Variants in HS2ST1 observed in about 807,000 individuals in gnomAD.
HS2ST1 encodes 2-O-sulfotransferase.
A neutral mutation model predicts 42.9 loss-of-function variants in HS2ST1; 18 were observed. The observed-to-expected ratio is 0.42, with a 90% CI of 0.29 to 0.62. HS2ST1 has a LOEUF of 0.62. Among genes scored for constraint, HS2ST1 ranks in the 20% least tolerant of loss-of-function variants. HS2ST1 has a pLI of 0.21. For missense variants in HS2ST1, 334 were observed against 433.8 expected, an observed-to-expected ratio of 0.77 and a Z score of 2.04; for synonymous variants, 146 against 152.9, an observed-to-expected ratio of 0.95 and a Z score of 0.33.
intron 1 of HS2ST1, among the ~76,000 whole-genome samples, chr1:87,056,502 G>A (rs1313531014): frequency 2.6e-5 from 4 of 152,144 alleles, no homozygotes; most frequent in South Asian, 2.1e-4. Flanking sequence ...CACAAACTAT[G>A]TTTATTCAGA....
intron 1 of HS2ST1, among the ~76,000 whole-genome samples, chr1:86,960,227 CAAAAAA>C (rs145286319): frequency 1.5e-5 from 2 of 131,490 alleles, no homozygotes; most frequent in Non-Finnish European, 3.2e-5. Context: ...TCCACGCCAC[CAAAAAA>C]AAAAAAAAAA....
At chr1:87,061,652 AC>A (rs1467170544) in intron 1 of HS2ST1, among the ~76,000 whole-genome samples, 1 of 152,088 alleles carries the variant, frequency 6.6e-6, no homozygotes, top group African/African-American at 2.4e-5. Flanking sequence ...CTGTTGATGG[AC>A]ATTTGGATTG....
At chr1:87,056,292 A>G (rs541333021) in intron 1 of HS2ST1, among the ~76,000 whole-genome samples, 4 of 152,294 alleles carry the variant, frequency 2.6e-5, no homozygotes, top group South Asian at 2.1e-4. Flanking sequence ...TTGATACAGC[A>G]TGAAGCCCTT....
intron 1 of HS2ST1, among the ~76,000 whole-genome samples, chr1:86,931,736 A>G (rs918259947): frequency 2.0e-5 from 3 of 152,118 alleles, no homozygotes; most frequent in Non-Finnish European, 4.4e-5. Context: ...GGAACCTTAT[A>G]TAATGATTGT....
At chr1:87,015,565 T>C (rs1184527217) in intron 1 of HS2ST1, among the ~76,000 whole-genome samples, 3 of 147,314 alleles carry the variant, frequency 2.0e-5, no homozygotes. Flanking sequence ...AAGATCGTCT[T>C]GATTTCCTGA....
intron 1 of HS2ST1, among the ~76,000 whole-genome samples, chr1:87,005,992 T>A (rs1285030389): frequency 6.6e-6 from 1 of 152,144 alleles, no homozygotes; most frequent in East Asian, 1.9e-4. Flanking sequence ...AGCCATATTT[T>A]TGTATAAAAT....
At chr1:86,919,828 G>A (rs1256617854) in intron 1 of HS2ST1, among the ~76,000 whole-genome samples, 1 of 152,104 alleles carries the variant, frequency 6.6e-6, no homozygotes, top group Non-Finnish European at 1.5e-5. Context: ...CTTATTACCT[G>A]TGAAAAAGAG....
intron 1 of HS2ST1, among the ~76,000 whole-genome samples, chr1:86,958,013 G>A (rs765246748): frequency 6.6e-6 from 1 of 152,018 alleles, no homozygotes; most frequent in Non-Finnish European, 1.5e-5. Context: ...GGCTGTTCTC[G>A]AACTCCTGAC....
intron 1 of HS2ST1, among the ~76,000 whole-genome samples, chr1:86,920,016 G>A (rs1660259145): frequency 6.6e-6 from 1 of 152,184 alleles, no homozygotes; most frequent in African/African-American, 2.4e-5. Flanking sequence ...AATTTCAAGA[G>A]CGCACTTGTT....
intron 1 of HS2ST1, among the ~76,000 whole-genome samples, chr1:87,023,287 A>G (rs1013388731): frequency 7.2e-5 from 11 of 152,210 alleles, no homozygotes; most frequent in Admixed American, 7.2e-4. Context: ...TGATGTATTT[A>G]CAAGGATATT....
chr1:86,940,953 C>T (rs1660747622), intron 1 of HS2ST1, among the ~76,000 whole-genome samples: 1 of 152,058 alleles, frequency 6.6e-6, no homozygotes, highest in Admixed American at 6.6e-5. Flanking sequence ...TGCCACTGCA[C>T]TCCAGCATGG....
At chr1:87,097,789 G>A (rs756783172) in intron 4 of HS2ST1, 49 bp from the exon 5 acceptor site, 5 of 1,607,158 alleles carry the variant, frequency 3.1e-6, no homozygotes, top group Non-Finnish European at 4.3e-6. Context: ...TATTTGATAG[G>A]TGAGACTTGG....
At chr1:86,968,066 A>C in intron 1 of HS2ST1, among the ~76,000 whole-genome samples, 1 of 152,116 alleles carries the variant, frequency 6.6e-6, no homozygotes. Flanking sequence ...GCAGCGTTTC[A>C]TATGTTTTTT....
chr1:87,049,371 A>G, intron 1 of HS2ST1, among the ~76,000 whole-genome samples: 1 of 151,902 alleles, frequency 6.6e-6, no homozygotes, highest in East Asian at 1.9e-4. Context: ...GGTTTAGGTC[A>G]CTGGTGTTAG....
intron 5 of HS2ST1, among the ~76,000 whole-genome samples, chr1:87,099,091 T>C (rs983545500): frequency 4.6e-5 from 7 of 152,230 alleles, no homozygotes; most frequent in African/African-American, 1.7e-4. Context: ...TCACCTGTTT[T>C]ATAAATAAAG....
chr1:87,083,881 A>G (rs1380421848), intron 2 of HS2ST1, among the ~76,000 whole-genome samples: 1 of 152,074 alleles, frequency 6.6e-6, no homozygotes, highest in Non-Finnish European at 1.5e-5. Flanking sequence ...GGGTGTAGAT[A>G]CATACACCCC....
At chr1:86,919,691 C>A (rs1298527471) in intron 1 of HS2ST1, among the ~76,000 whole-genome samples, 1 of 152,126 alleles carries the variant, frequency 6.6e-6, no homozygotes, top group African/African-American at 2.4e-5. Flanking sequence ...ATCAGATTTG[C>A]AAAGGAGTAT....
At chr1:87,075,650 T>C (rs988080810) in intron 2 of HS2ST1, among the ~76,000 whole-genome samples, 2 of 152,160 alleles carry the variant, frequency 1.3e-5, no homozygotes, top group Non-Finnish European at 2.9e-5. Flanking sequence ...TTCCCTCACC[T>C]TCCAATCTTA....
chr1:86,982,922 T>C (rs1357175047), intron 1 of HS2ST1, among the ~76,000 whole-genome samples: 1 of 152,184 alleles, frequency 6.6e-6, no homozygotes, highest in Non-Finnish European at 1.5e-5. Flanking sequence ...CAGAGGAAAA[T>C]GCCACCAGTC....
Sources: allele counts gnomAD v4.1 joint callset (sites outside exome capture counted in the v4.1 genomes callset), GRCh38; gene constraint gnomAD v4.1.1; transcripts MANE v1.5; gene names NCBI Gene and HGNC (gene_info 2026-07-23, HGNC 2026-07-21).